Variants in APBB2 observed in about 807,000 individuals in gnomAD.
The protein encoded by APBB2 is amyloid beta precursor protein binding family B member 2.
A neutral mutation model predicts 82.5 loss-of-function variants in APBB2; 38 were observed. That is an observed-to-expected ratio of 0.46 (90% confidence interval 0.36 to 0.60). The LOEUF is 0.60. Ranked by LOEUF, APBB2 falls within the 20% of genes least tolerant of loss-of-function variation. The probability of loss-of-function intolerance (pLI) is 0.00; values close to 1 mark genes in which losing one functional copy is unlikely to be tolerated. For synonymous variants in APBB2, 341 were observed against 368.2 expected, an observed-to-expected ratio of 0.93 and a Z score of 0.85; for missense variants, 772 against 972.3, an observed-to-expected ratio of 0.79 and a Z score of 2.74.
At chr4:41,006,896 C>T (rs558967262) in intron 6 of APBB2, among the ~76,000 whole-genome samples, 3 of 152,174 alleles carry the variant, frequency 2.0e-5, no homozygotes, top group Admixed American at 6.5e-5. Flanking sequence ...TTATCCAAAG[C>T]TCTATCACTT....
intron 6 of APBB2, among the ~76,000 whole-genome samples, chr4:41,004,824 G>A (rs1415963159): frequency 4.2e-5 from 4 of 96,192 alleles, no homozygotes; most frequent in African/African-American, 1.7e-4. Context: ...GCGACACAGC[G>A]AGACCCCATC....
At chr4:41,119,804 A>G (rs1030430495) in intron 2 of APBB2, among the ~76,000 whole-genome samples, 1 of 152,218 alleles carries the variant, frequency 6.6e-6, no homozygotes, top group African/African-American at 2.4e-5. Flanking sequence ...TCCTATGTGG[A>G]GCTGGCCTAA....
chr4:41,117,156 T>C (rs902811962), intron 2 of APBB2, among the ~76,000 whole-genome samples: 1 of 152,080 alleles, frequency 6.6e-6, no homozygotes, highest in Admixed American at 6.5e-5. Context: ...TCACATTCTG[T>C]CCTGCATGGT....
In APBB2 at chr4:40,891,907, G is replaced by T. The variant is rs142063748; in HGVS notation, c.1401+1358C>A. Among the ~76,000 whole-genome samples, 210 of 151,516 alleles carry T rather than the reference G, an allele frequency of 1.4e-3. 1 individual carries two copies. In the East Asian group the frequency reaches 0.018, roughly 13 times the overall value. Reference sequence around the variant, plus strand: ...GCAGTTTTGACTGAAGGAGAGAGAAGACAGGTGGAGAATTTGGTGGGAAAC... The same window carrying T: ...GCAGTTTTGACTGAAGGAGAGAGAATACAGGTGGAGAATTTGGTGGGAAAC... On this transcript the variant is annotated intron_variant, in intron 11 of 17. Transcript: ENST00000508593.
At chr4:41,126,206 C>A (rs1169757526) in intron 2 of APBB2, among the ~76,000 whole-genome samples, 2 of 142,412 alleles carry the variant, frequency 1.4e-5, no homozygotes, top group Non-Finnish European at 3.0e-5. Context: ...ATAGTGAGAT[C>A]GTGTCTCTAC....
At chr4:41,007,826 C>T (rs1048403641) in intron 6 of APBB2, among the ~76,000 whole-genome samples, 7 of 152,178 alleles carry the variant, frequency 4.6e-5, no homozygotes, top group Admixed American at 4.6e-4. Context: ...TTCATATACA[C>T]ACATAATGAA....
Position 41,142,398 on chromosome 4 carries a change from G to T in APBB2, c.-261+589C>A, listed in dbSNP as rs189157108. Among the ~76,000 whole-genome samples the T allele has an allele frequency of 2.0e-5, 3 of 152,258 alleles. No homozygotes were observed. The East Asian group carries it at 5.8e-4, about 29-fold the overall frequency. The stretch of plus-strand genomic sequence containing the variant: ...GTTTTTCAGGACATTCTCTTCCCCT[G>T]TCGTATATAAGTATCTTAATGCCAA... On this transcript the variant is annotated intron_variant, in intron 2 of 17. Transcript: ENST00000508593.
At chr4:41,137,670 C>T (rs1460836484) in intron 2 of APBB2, among the ~76,000 whole-genome samples, 1 of 152,080 alleles carries the variant, frequency 6.6e-6, no homozygotes, top group Non-Finnish European at 1.5e-5. Flanking sequence ...GATGGTAAAC[C>T]AAAGGCACAG....
intron 3 of APBB2, among the ~76,000 whole-genome samples, chr4:41,095,316 AC>A (rs1215370270): frequency 6.6e-6 from 1 of 152,228 alleles, no homozygotes; most frequent in Admixed American, 6.5e-5. Flanking sequence ...TCAGGGCTAA[AC>A]AACAGCTAGC....
At chr4:41,034,793 T>C (rs1180833137) in intron 4 of APBB2, among the ~76,000 whole-genome samples, 9 of 152,206 alleles carry the variant, frequency 5.9e-5, no homozygotes, top group African/African-American at 2.2e-4. Context: ...CTTAAAGGAA[T>C]AGAAAGATCT....
At chr4:40,889,089 C>T (rs1771213027) in intron 12 of APBB2, among the ~76,000 whole-genome samples, 1 of 152,252 alleles carries the variant, frequency 6.6e-6, no homozygotes, top group Non-Finnish European at 1.5e-5. Flanking sequence ...CACCCATTCC[C>T]CCAAAGCATC....
At chr4:40,834,532 G>A (rs561610554) in intron 12 of APBB2, among the ~76,000 whole-genome samples, 51 of 145,934 alleles carry the variant, frequency 3.5e-4, no homozygotes, top group South Asian at 1.5e-3. Flanking sequence ...GGGCTGCTGC[G>A]GGAGAGTCAT....
At position 40,812,796 on chromosome 4, in the gene APBB2, A is replaced by G. The variant is rs1744674932; in HGVS notation, c.*3296T>C. ...TGCCACAGTTTATCACCAAGAACTT[A>G]TTTTAATGGAAATGGGTCTAATGTC... On this transcript the variant is annotated 3_prime_UTR_variant, in exon 18 of 18. Transcript: ENST00000508593. 1 of 152,216 alleles carries G rather than the reference A, an allele frequency of 6.6e-6. No homozygotes were observed. Among genetic ancestry groups the G allele is most frequent in the Non-Finnish European group, 1.5e-5 (1 of 68,032 alleles). The allele number at this position is 152,216 out of a possible 1,614,324, so 9.4% of individuals were successfully genotyped here.
rs1192104012 is a variant in APBB2, at chr4:40,830,582, G to C, written c.1530-5C>G. The C allele has an allele frequency of 6.4e-7, 1 of 1,574,376 alleles. No individual in the cohort carries two copies. The highest frequency in any genetic ancestry group is 8.7e-7 in the Non-Finnish European group (1 of 1,144,040). ...CTTGCTACATAAGCAAAATCCCTGTGCAAGCAAAATGTATCAGTCCATTAG... is the reference window on the plus strand; with the variant it reads ...CTTGCTACATAAGCAAAATCCCTGTCCAAGCAAAATGTATCAGTCCATTAG... On this transcript the variant is annotated splice_region_variant and splice_polypyrimidine_tract_variant and intron_variant, in intron 12 of 17. Coordinates refer to ENST00000508593, the MANE Select transcript of APBB2 (RefSeq NM_004307.2).
intron 6 of APBB2, among the ~76,000 whole-genome samples, chr4:41,012,836 G>C (rs1808774437): frequency 6.6e-6 from 1 of 152,182 alleles, no homozygotes; most frequent in African/African-American, 2.4e-5. Context: ...CTTAGAATCA[G>C]TATAGTGGGA....
At chr4:41,124,642 AT>A (rs751250529) in intron 2 of APBB2, among the ~76,000 whole-genome samples, 50 of 152,204 alleles carry the variant, frequency 3.3e-4, no homozygotes, top group Non-Finnish European at 6.3e-4. Flanking sequence ...CAAGCTGGCT[AT>A]TTTTGTCTTG....
chr4:41,207,592 C>T (rs1384472171), intron 1 of APBB2, among the ~76,000 whole-genome samples: 1 of 152,198 alleles, frequency 6.6e-6, no homozygotes, highest in African/African-American at 2.4e-5. Flanking sequence ...ACACCCTCAT[C>T]TTTCATCTTG....
At chr4:41,144,510 G>A (rs1039339037) in intron 1 of APBB2, among the ~76,000 whole-genome samples, 1 of 152,152 alleles carries the variant, frequency 6.6e-6, no homozygotes, top group Non-Finnish European at 1.5e-5. Flanking sequence ...TTTTAAATAA[G>A]GGGTTTAAGA....
Position 40,945,051 on chromosome 4 carries a change from T to C in APBB2, c.858A>G (p.Ser286=). 6.9e-7 allele frequency: 1 copy of C among 1,448,920 alleles called. No homozygotes were observed. The highest frequency in any genetic ancestry group is 1.6e-5 in the African/African-American group (1 of 63,102). 89.8% of individuals were successfully genotyped at this position (1,448,920 alleles called of 1,614,324 possible). Residue 286 remains serine, a synonymous_variant, in exon 7 of 18, where the codon TCA becomes TCG. Coordinates refer to ENST00000508593, the MANE Select transcript of APBB2 (RefSeq NM_004307.2). ...GCGGCAAATCTGGATCAGTCTGAAA[T>C]GAGTGATCACTCCATATATCTGCTG... The part of the protein sequence containing the change: ...DETADIWSDH[S]FQTDPDLPPG...
Sources: allele counts gnomAD v4.1 joint callset (sites outside exome capture counted in the v4.1 genomes callset), GRCh38; gene constraint gnomAD v4.1.1; transcripts MANE v1.5; gene names NCBI Gene and HGNC (gene_info 2026-07-23, HGNC 2026-07-21).